Variants in ZDHHC1 observed in about 807,000 individuals in gnomAD.
ZDHHC1 encodes zDHHC palmitoyltransferase 1.
ZDHHC1 carries 45 observed loss-of-function variants against 46.9 expected under a neutral mutation model. The ratio of observed to expected loss-of-function variants is 0.96; its 90% CI spans 0.76 to 1.23. The LOEUF is 1.23. Ranked by LOEUF, ZDHHC1 falls within the 50% of genes most tolerant of loss-of-function variation. ZDHHC1 has a pLI of 0.00. For synonymous variants in ZDHHC1, 291 were observed against 286.0 expected (o/e 1.02, Z -0.18); for missense variants, 649 against 670.8 (o/e 0.97, Z 0.36).
Position 67,398,809 on chromosome 16 carries a change from C to A in ZDHHC1, c.655+11G>T. On this transcript the variant is annotated intron_variant, in intron 6 of 11. Coordinates refer to ENST00000565726, the MANE Select transcript of ZDHHC1 (RefSeq NM_001323627.2). The stretch of plus-strand genomic sequence containing the variant: ...GTTGGGGGTGAGAATAGGCCCGGAG[C>A]CTAAACTGACCTTCAAAGTGTCGGT... The A allele has an allele frequency of 6.2e-7, 1 of 1,612,396 alleles. No individual in the cohort carries two copies. Among genetic ancestry groups the A allele is most frequent in the Non-Finnish European group, 8.5e-7 (1 of 1,179,402 alleles).
At chr16:67,408,227 AC>A (rs2040696523) in intron 1 of ZDHHC1, among the ~76,000 whole-genome samples, 1 of 150,712 alleles carries the variant, frequency 6.6e-6, no homozygotes. Flanking sequence ...GTGCAGTGGC[AC>A]CATCACAGCT....
At chr16:67,398,364 GACT>G (rs2040475310) in intron 7 of ZDHHC1, 40 bp from the exon 8 acceptor site, 3 of 1,589,204 alleles carry the variant, frequency 1.9e-6, no homozygotes, top group Non-Finnish European at 2.6e-6. Flanking sequence ...GTGGAAGGGG[GACT>G]CTGGAGCTCA....
intron 4 of ZDHHC1, among the ~76,000 whole-genome samples, chr16:67,399,976 G>T (rs1185689749): frequency 6.6e-6 from 1 of 152,234 alleles, no homozygotes; most frequent in East Asian, 1.9e-4. Context: ...AGTGCAGGCT[G>T]CCATCCGCGT....
chr16:67,410,346 T>C (rs1040762020), intron 1 of ZDHHC1, among the ~76,000 whole-genome samples: 3 of 152,174 alleles, frequency 2.0e-5, no homozygotes, highest in Non-Finnish European at 2.9e-5. Context: ...TTTGCAAGGC[T>C]CAGAGGTACA....
chr16:67,403,702 C>A (rs1280047186), intron 3 of ZDHHC1, among the ~76,000 whole-genome samples: 2 of 152,044 alleles, frequency 1.3e-5, no homozygotes, highest in Non-Finnish European at 2.9e-5. Context: ...CTCCGCCCCC[C>A]GACCCGGGTT....
chr16:67,395,879 G>GAT, intron 8 of ZDHHC1: 4 of 371,600 alleles, frequency 1.1e-5, no homozygotes, highest in South Asian at 6.6e-5. Flanking sequence ...GAAGCTCAGA[G>GAT]CTGCCCGCAC....
Position 67,394,908 on chromosome 16 carries a change from G to C in ZDHHC1, c.1166-15C>G. The C allele has an allele frequency of 1.9e-6, 3 of 1,568,584 alleles. No homozygotes were observed. Among genetic ancestry groups the C allele is most frequent in the Non-Finnish European group, 2.6e-6 (3 of 1,158,188 alleles). On this transcript the variant is annotated splice_polypyrimidine_tract_variant and intron_variant, in intron 11 of 11. Coordinates refer to ENST00000565726, the MANE Select transcript of ZDHHC1 (RefSeq NM_001323627.2). ...GGCCCTAGGCCCTGCGCAAGGGAAG[G>C]GAACATGAGCCCAGTGGCTGCGGCT... is the stretch of plus-strand genomic sequence containing the variant.
intron 1 of ZDHHC1, among the ~76,000 whole-genome samples, chr16:67,410,922 C>T (rs983868276): frequency 1.3e-5 from 2 of 152,126 alleles, no homozygotes; most frequent in African/African-American, 4.8e-5. Context: ...CTCAGCTCGG[C>T]CTCCCAAAGT....
chr16:67,394,810 C>T lies in ZDHHC1; in HGVS notation c.1249G>A (p.Ala417Thr). Residue 417 changes from alanine to threonine, a missense_variant, in exon 12 of 12, where the codon GCC becomes ACC. By Grantham distance (58) the Ala-to-Thr change is moderately conservative. Transcript: ENST00000565726. ...SPVHAAGPAG[A>T]YHSASAESVD... ...GACTCTGCCGACGCCGAGTGGTAGG[C>T]GCCGGCAGGGCCAGCGGCGTGCACA... The T allele has an allele frequency of 1.3e-6, 2 of 1,522,868 alleles. No homozygotes were observed. Among genetic ancestry groups the T allele is most frequent in the South Asian group, 1.2e-5 (1 of 81,432 alleles). 94.3% of individuals were successfully genotyped at this position (1,522,868 alleles called of 1,614,324 possible). A position where few individuals can be genotyped will look rare whatever the true frequency, so the allele number is the denominator to read the frequency against.
rs553077402 is a variant in ZDHHC1 at position 67,400,866 on chromosome 16, G to A, written c.428+91C>T. ...CTGCATAAAACATGAGGGTTCTGAG[G>A]CATCAGGGATGTCTGTGAAGCCCTG... On this transcript the variant is annotated intron_variant, in intron 4 of 11. Coordinates refer to ENST00000565726, the MANE Select transcript of ZDHHC1 (RefSeq NM_001323627.2). 1.5e-5 allele frequency: 22 copies of A among 1,439,200 alleles called. No individual in the cohort carries two copies. The South Asian group carries it at 2.7e-4, about 18-fold the overall frequency. 89.2% of individuals were successfully genotyped at this position (1,439,200 alleles called of 1,614,324 possible). A position where few individuals can be genotyped will look rare whatever the true frequency, so the allele number is the denominator to read the frequency against.
rs1339114192 is a variant in ZDHHC1, at chr16:67,398,706, C to T, written c.681G>A (p.Trp227Ter). The T allele has an allele frequency of 6.2e-7, 1 of 1,609,378 alleles. No individual in the cohort carries two copies. The highest frequency in any genetic ancestry group is 2.2e-5 in the East Asian group (1 of 44,756). ...CGGGGGCGGCAGGCAGGAACACGAACCACACATCCGTGTGATTCTTCAGGA... is the reference window on the plus strand; with the variant it reads ...CGGGGGCGGCAGGCAGGAACACGAATCACACATCCGTGTGATTCTTCAGGA... ...FEVLKNHTDV[W>*]FVFLPAAPVE... Residue 227 changes from tryptophan (W) to a stop codon, truncating the protein, a stop_gained, in exon 7 of 12, where the codon TGG (tryptophan) becomes TGA (stop). Transcript: ENST00000565726. LOFTEE classifies it high-confidence loss of function.
intron 4 of ZDHHC1, among the ~76,000 whole-genome samples, chr16:67,400,144 G>C: frequency 6.6e-6 from 1 of 152,204 alleles, no homozygotes; most frequent in East Asian, 1.9e-4. Flanking sequence ...GTGCTGGCGG[G>C]TGCCCAGTGA....
Position 67,394,586 on chromosome 16 carries a change from C to T in ZDHHC1, c.*24G>A. 8.6e-7 allele frequency: 1 copy of T among 1,158,258 alleles called. No homozygotes were observed. The highest frequency in any genetic ancestry group is 1.1e-6 in the Non-Finnish European group (1 of 941,216). The allele number at this position is 1,158,258 out of a possible 1,614,324, so 71.7% of individuals were successfully genotyped here. The stretch of plus-strand genomic sequence containing the variant: ...GAGAGTCAGGCCGGCCGCTCTAACT[C>T]GGCCCTCCGGCCTCTCGGCCCAGCT... On this transcript the variant is annotated 3_prime_UTR_variant, in exon 12 of 12. Transcript: ENST00000565726.
chr16:67,395,881 TGCCC>T, intron 8 of ZDHHC1: 6 of 351,366 alleles, frequency 1.7e-5, no homozygotes, highest in South Asian at 1.1e-4. Context: ...AGCTCAGAGC[TGCCC>T]GCACCTGCTC....
rs1050044169 is a variant in ZDHHC1, at chr16:67,394,800, G to A, written c.1259C>T (p.Ser420Leu). 9.8e-6 allele frequency: 15 copies of A among 1,528,500 alleles called. No homozygotes were observed. The Admixed American group carries it at 2.6e-4, about 27-fold the overall frequency. 94.7% of individuals were successfully genotyped at this position (1,528,500 alleles called of 1,614,324 possible). A position where few individuals can be genotyped will look rare whatever the true frequency, so the allele number is the denominator to read the frequency against. Residue 420 changes from serine to leucine, a missense_variant, in exon 12 of 12, where the codon TCG (serine) becomes TTG (leucine). Coordinates refer to ENST00000565726, the MANE Select transcript of ZDHHC1 (RefSeq NM_001323627.2). ...HAAGPAGAYH[S>L]ASAESVDEIP... ...CTCGTCCACGGACTCTGCCGACGCC[G>A]AGTGGTAGGCGCCGGCAGGGCCAGC...
At chr16:67,411,266 G>A (rs1211857626) in intron 1 of ZDHHC1, among the ~76,000 whole-genome samples, 1 of 152,172 alleles carries the variant, frequency 6.6e-6, no homozygotes, top group African/African-American at 2.4e-5. Flanking sequence ...TGCCAGGAGA[G>A]GACAAGGAAC....
intron 1 of ZDHHC1, among the ~76,000 whole-genome samples, chr16:67,411,216 C>T (rs780079133): frequency 6.6e-6 from 1 of 152,136 alleles, no homozygotes; most frequent in African/African-American, 2.4e-5. Flanking sequence ...CTGCAAGCTA[C>T]CTGAGGGCTT....
rs1597526092 is a variant in ZDHHC1 at position 67,394,160 on chromosome 16, A to G, written c.*450T>C. ...CACCTCCCCACGGCCTCGCAGCCTC[A>G]GCGCCCACTGCTGCTTTCGGAGCCC... On this transcript the variant is annotated 3_prime_UTR_variant, in exon 12 of 12. Transcript: ENST00000565726. Among the ~76,000 whole-genome samples the G allele has an allele frequency of 1.3e-5, 2 of 152,118 alleles. No individual in the cohort carries two copies. Among genetic ancestry groups the G allele is most frequent in the African/African-American group, 4.8e-5 (2 of 41,416 alleles).
At chr16:67,396,615 C>A (rs1307870330) in intron 8 of ZDHHC1, among the ~76,000 whole-genome samples, 3 of 152,168 alleles carry the variant, frequency 2.0e-5, no homozygotes, top group Non-Finnish European at 2.9e-5. Flanking sequence ...GGGGGAGGAG[C>A]CCAGCCAGCG....
Sources: allele counts gnomAD v4.1 joint callset (sites outside exome capture counted in the v4.1 genomes callset), GRCh38; gene constraint gnomAD v4.1.1; transcripts MANE v1.5; gene names NCBI Gene and HGNC (gene_info 2026-07-23, HGNC 2026-07-21).